The following FGD5 variants were observed in gnomAD, a reference collection of about 807,000 sequenced individuals.
The protein encoded by FGD5 is FYVE, RhoGEF and PH domain-containing protein 5.
A neutral mutation model predicts 133.4 loss-of-function variants in FGD5; 28 were observed. That is an observed-to-expected ratio of 0.21 (90% CI 0.16 to 0.29). FGD5 has a LOEUF of 0.29. Among genes scored for constraint, FGD5 ranks in the 10% least tolerant of loss-of-function variants. The pLI is 1.00. For missense variants in FGD5, 1,858 were observed against 1,895.2 expected (o/e 0.98, Z 0.36); for synonymous variants, 810 against 776.5 (o/e 1.04, Z -0.72).
intron 10 of FGD5, 32 bp from the exon 11 acceptor site, chr3:14,910,829 C>A: frequency 2.5e-6 from 4 of 1,605,046 alleles, no homozygotes; most frequent in Non-Finnish European, 3.4e-6. Flanking sequence ...GGGCATCAGC[C>A]TGACCGCCAA....
chr3:14,820,062 G>C lies in FGD5; in HGVS notation c.991G>C (p.Glu331Gln). The C allele has an allele frequency of 6.2e-7, 1 of 1,614,034 alleles. No homozygotes were observed. Among genetic ancestry groups the C allele is most frequent in the African/African-American group, 1.3e-5 (1 of 75,050 alleles). The part of the protein sequence containing the change: ...AEESCQIVPF[E>Q]NDCMEDFVTS... ...GGAGAGCTGCCAGATTGTCCCTTTT[G>C]AGAATGACTGCATGGAGGACTTCGT... is the stretch of plus-strand genomic sequence containing the variant. The change falls in exon 1 of 20, where the codon GAG (glutamate) becomes CAG (glutamine). Residue 331 changes from glutamate to glutamine, a missense_variant. Physicochemically the swap from Glu to Gln is conservative, Grantham distance 29. This residue lies in a region of FGD5 where 1,824 missense variants were observed against 1,848.9 expected (regional missense o/e 0.99). Coordinates refer to ENST00000285046, the MANE Select transcript of FGD5 (RefSeq NM_152536.4).
intron 5 of FGD5, 25 bp from the exon 6 acceptor site, chr3:14,897,914 G>A (rs1442227407): frequency 1.2e-6 from 2 of 1,613,796 alleles, no homozygotes; most frequent in East Asian, 2.2e-5. Context: ...AGTTCTCACT[G>A]TCCCATCCCC....
At position 14,923,130 on chromosome 3, in the gene FGD5, G is replaced by A. The variant is rs148880716; in HGVS notation, c.3892G>A (p.Gly1298Arg). ...GGCCAAGGTCTGCGACGGCTGCTTCGGGGAGCTGAAGAAGCGGGGCAGGGC... is the reference window on the plus strand; with the variant it reads ...GGCCAAGGTCTGCGACGGCTGCTTCAGGGAGCTGAAGAAGCGGGGCAGGGC... ...RMAKVCDGCF[G>R]ELKKRGRAVP... The change falls in exon 16 of 20, where the codon GGG (glycine) becomes AGG (arginine). Residue 1298 changes from glycine (G) to arginine (R), a missense_variant. Transcript: ENST00000285046. 8.4e-4 allele frequency: 1,360 copies of A among 1,613,774 alleles called. 1 individual carries two copies. Among genetic ancestry groups the A allele is most frequent in the African/African-American group, 1.8e-3 (138 of 74,986 alleles).
chr3:14,924,243 C>G (rs966403554), intron 17 of FGD5, 105 bp downstream of exon 17: 6 of 1,534,492 alleles, frequency 3.9e-6, no homozygotes, highest in African/African-American at 1.4e-5. Flanking sequence ...CCTGACCAGT[C>G]TCTTCCAGAC....
intron 1 of FGD5, among the ~76,000 whole-genome samples, chr3:14,825,885 A>G (rs560147553): frequency 6.6e-6 from 1 of 152,328 alleles, no homozygotes; most frequent in East Asian, 1.9e-4. Flanking sequence ...TAATAAATGT[A>G]TACTGATGAG....
upstream of FGD5, among the ~76,000 whole-genome samples, chr3:14,817,490 C>G (rs2036389029): frequency 1.3e-5 from 2 of 152,132 alleles, no homozygotes; most frequent in South Asian, 4.1e-4. Context: ...GCCACTGCAC[C>G]CAGCCTTACC....
At position 14,821,040 on chromosome 3, in the gene FGD5, C is replaced by T. The variant is rs752462789; in HGVS notation, c.1969C>T (p.Leu657=). 8.1e-6 allele frequency: 13 copies of T among 1,613,936 alleles called. No individual in the cohort carries two copies. The Admixed American group carries it at 1.7e-4, about 21-fold the overall frequency. The stretch of plus-strand genomic sequence containing the variant: ...GAAGAAGTCATCCTTTAAGCGCTTC[C>T]TGGCACTGACGTTTAAGAAGAAGAC... ...KKKKSSFKRF[L]ALTFKKKTEN... Residue 657 remains leucine, a synonymous_variant, in exon 1 of 20, where the codon CTG becomes TTG. Coordinates refer to ENST00000285046, the MANE Select transcript of FGD5 (RefSeq NM_152536.4).
At chr3:14,907,788 G>GC (rs2038368260) in intron 10 of FGD5, 77 bp downstream of exon 10, 2 of 1,447,056 alleles carry the variant, frequency 1.4e-6, no homozygotes, top group African/African-American at 2.8e-5. Flanking sequence ...CACTGGGCTG[G>GC]CCCCAGACAG....
intron 4 of FGD5, among the ~76,000 whole-genome samples, chr3:14,894,619 G>A (rs769826983): frequency 4.7e-5 from 7 of 149,480 alleles, no homozygotes; most frequent in Non-Finnish European, 1.0e-4. Context: ...GGGCTCAAGC[G>A]ATCCTCCTGC....
At position 14,820,493 on chromosome 3, in the gene FGD5, C is replaced by G. The variant is rs1279588916; in HGVS notation, c.1422C>G (p.Asp474Glu). Residue 474 changes from aspartate (D) to glutamate (E), a missense_variant, in exon 1 of 20, where the codon GAC becomes GAG. Physicochemically the swap from Asp to Glu is conservative, Grantham distance 45. This residue lies in a region of FGD5 where 1,824 missense variants were observed against 1,848.9 expected (regional missense o/e 0.99). Transcript: ENST00000285046. ...CAGAGGGTGGCCTGGTTCCCGCGGA[C>G]AGGAAGAACACCAGCACGAGGGTCC... ...CEAEGGLVPA[D>E]RKNTSTRVRP... is the part of the protein sequence containing the mutation. The G allele has an allele frequency of 6.2e-7, 1 of 1,613,918 alleles. No homozygotes were observed. The highest frequency in any genetic ancestry group is 2.2e-5 in the East Asian group (1 of 44,868).
intron 4 of FGD5, among the ~76,000 whole-genome samples, chr3:14,892,930 A>G (rs17040520): frequency 0.03 from 4,604 of 152,298 alleles, 246 homozygotes; most frequent in East Asian, 0.22. Context: ...AGGTAGAGGA[A>G]TCATCTTTCC....
chr3:14,914,644 G>C (rs2038517048), intron 11 of FGD5, among the ~76,000 whole-genome samples: 1 of 152,146 alleles, frequency 6.6e-6, no homozygotes, highest in African/African-American at 2.4e-5. Flanking sequence ...ATGAACCTGT[G>C]CACAGGTTCA....
At chr3:14,847,462 A>C (rs1413231264) in intron 1 of FGD5, among the ~76,000 whole-genome samples, 1 of 152,202 alleles carries the variant, frequency 6.6e-6, no homozygotes, top group Admixed American at 6.5e-5. Context: ...CCCAATTAGC[A>C]TCCCTGGTGG....
At chr3:14,867,474 G>T (rs79421238) in intron 2 of FGD5, among the ~76,000 whole-genome samples, 13,061 of 152,224 alleles carry the variant, frequency 0.086, 760 homozygotes, top group East Asian at 0.3. Flanking sequence ...GCACATAAAA[G>T]GTTTTCTGAA....
At chr3:14,871,879 T>C (rs1259703676) in intron 2 of FGD5, among the ~76,000 whole-genome samples, 1 of 152,256 alleles carries the variant, frequency 6.6e-6, no homozygotes, top group Non-Finnish European at 1.5e-5. Context: ...CTTCCTGACT[T>C]GGCAGTGGTC....
chr3:14,895,859 C>T (rs1438610554), intron 4 of FGD5, among the ~76,000 whole-genome samples: 3 of 150,846 alleles, frequency 2.0e-5, no homozygotes, highest in African/African-American at 5.0e-5. Flanking sequence ...ATATAAAAGC[C>T]GACAAGATGT....
chr3:14,908,114 A>G (rs1220481391), intron 10 of FGD5, among the ~76,000 whole-genome samples: 1 of 152,238 alleles, frequency 6.6e-6, no homozygotes, highest in Non-Finnish European at 1.5e-5. Context: ...CTCTCTTTAA[A>G]GCTTCCAAAT....
At chr3:14,886,850 A>G (rs887155651) in intron 4 of FGD5, among the ~76,000 whole-genome samples, 1 of 152,012 alleles carries the variant, frequency 6.6e-6, no homozygotes, top group Admixed American at 6.5e-5. Context: ...CCTGCTGCTG[A>G]TTTCTAATTT....
chr3:14,818,890 A>G, upstream of FGD5: 1 of 1,414,466 alleles, frequency 7.1e-7, no homozygotes, highest in Non-Finnish European at 9.2e-7. Flanking sequence ...ACTGGTGTGT[A>G]GGAGACTCTG....
Sources: gnomAD v4.1 joint callset for allele counts (sites outside exome capture counted in the v4.1 genomes callset) on GRCh38, gnomAD v4.1.1 for gene constraint, gnomAD v4.1.1 regional missense constraint, MANE v1.5 for transcripts, NCBI Gene and HGNC (gene_info 2026-07-23, HGNC 2026-07-21) for gene names.